NT5DC3: variants seen among roughly 807,000 people sequenced by gnomAD.
The protein encoded by NT5DC3 is 5'-nucleotidase domain containing 3.
In NT5DC3, 42 loss-of-function variants were observed where a neutral mutation model predicts 67.8. The ratio of observed to expected loss-of-function variants is 0.62; its 90% confidence interval spans 0.48 to 0.80. The LOEUF (loss-of-function observed/expected upper bound fraction) is 0.80, where lower values mean the gene tolerates loss of function less well. NT5DC3 is among the 30% of genes least tolerant of loss of function. The pLI, the probability that NT5DC3 is intolerant of heterozygous loss-of-function variation, is 0.00. For synonymous variants in NT5DC3, 237 were observed against 255.6 expected, an observed-to-expected ratio of 0.93 and a Z score of 0.69; for missense variants, 570 against 696.4, an observed-to-expected ratio of 0.82 and a Z score of 2.04.
At chr12:103,750,467 C>CTCTT in the NT5DC3 span, 1 of 1,384,994 alleles carries the variant, frequency 7.2e-7, no homozygotes. Context: ...AAGGCACGTT[C>CTCTT]TCTTGGTCCA....
the NT5DC3 span, among the ~76,000 whole-genome samples, chr12:103,759,608 G>T: frequency 6.6e-6 from 1 of 152,168 alleles, no homozygotes; most frequent in African/African-American, 2.4e-5. Context: ...ATGAATCCCA[G>T]TTCTGCCACT....
At chr12:103,819,717 T>C (rs925524122) in intron 1 of NT5DC3, 12 of 152,358 alleles carry the variant, frequency 7.9e-5, no homozygotes, top group Admixed American at 6.5e-4. Flanking sequence ...GAACAACCTA[T>C]AGGAAAAACT....
intron 4 of NT5DC3, among the ~76,000 whole-genome samples, chr12:103,801,641 A>G (rs1886587951): frequency 6.6e-6 from 1 of 152,026 alleles, no homozygotes; most frequent in Non-Finnish European, 1.5e-5. Context: ...TCAGCCTCCC[A>G]AAGTGCTGGG....
intron 11 of NT5DC3, chr12:103,785,745 G>T: frequency 2.2e-6 from 1 of 447,208 alleles, no homozygotes; most frequent in Non-Finnish European, 4.1e-6. Context: ...CATTAACCAT[G>T]GTCTGTAAAA....
At chr12:103,811,190 T>C (rs938073247) in intron 2 of NT5DC3, among the ~76,000 whole-genome samples, 1 of 143,346 alleles carries the variant, frequency 7.0e-6, no homozygotes, top group Admixed American at 7.6e-5. Flanking sequence ...CCTGGGGGGG[T>C]AGACCATACA....
At chr12:103,767,044 G>GAGTT (rs1885010333), downstream of NT5DC3, 1 of 152,170 alleles carries the variant, frequency 6.6e-6, no homozygotes, top group African/African-American at 2.4e-5. Flanking sequence ...GTTAAACACA[G>GAGTT]AGTTACCATA....
At chr12:103,794,148 CT>C (rs766607290) in intron 6 of NT5DC3, 151 bp from the exon 7 acceptor site, 2 of 488,440 alleles carry the variant, frequency 4.1e-6, no homozygotes, top group Non-Finnish European at 7.1e-6. Context: ...CCATTTTCTT[CT>C]TCTTTTTTTT....
At chr12:103,755,513 G>A in the NT5DC3 span, 2 of 1,609,790 alleles carry the variant, frequency 1.2e-6, no homozygotes, top group East Asian at 4.5e-5. Flanking sequence ...CACAGCTGCT[G>A]AGCAATCCTC....
chr12:103,765,093 A>C, the NT5DC3 span, among the ~76,000 whole-genome samples: 7 of 149,754 alleles, frequency 4.7e-5, 1 homozygote, highest in Admixed American at 1.3e-4. Context: ...TCTCAAAAAA[A>C]AAAAAAAAAA....
At chr12:103,778,945 A>C (rs907732922) in intron 13 of NT5DC3, among the ~76,000 whole-genome samples, 1 of 152,092 alleles carries the variant, frequency 6.6e-6, no homozygotes, top group Admixed American at 6.6e-5. Flanking sequence ...CATCTCCCAA[A>C]CCTAAACACA....
intron 1 of NT5DC3, among the ~76,000 whole-genome samples, chr12:103,818,587 G>A (rs1887361333): frequency 6.6e-6 from 1 of 152,024 alleles, no homozygotes; most frequent in African/African-American, 2.4e-5. Context: ...TGTTGGCCAG[G>A]CTAGTCTCAA....
intron 1 of NT5DC3, among the ~76,000 whole-genome samples, chr12:103,822,798 C>G (rs1057121732): frequency 6.6e-6 from 1 of 152,062 alleles, no homozygotes; most frequent in Admixed American, 6.5e-5. Flanking sequence ...ATATTCATAC[C>G]CTTTGACCCA....
intron 2 of NT5DC3, among the ~76,000 whole-genome samples, chr12:103,811,745 C>A (rs960145116): frequency 6.6e-6 from 1 of 152,102 alleles, no homozygotes; most frequent in Non-Finnish European, 1.5e-5. Context: ...TTAGTTGTAA[C>A]AAATGTACCT....
chr12:103,780,161 T>TG, intron 13 of NT5DC3, 139 bp downstream of exon 13: 1 of 742,212 alleles, frequency 1.3e-6, no homozygotes. Flanking sequence ...TTCTGGATCC[T>TG]GGGGGAGGCA....
chr12:103,749,912 G>A, the NT5DC3 span, among the ~76,000 whole-genome samples: 4 of 144,846 alleles, frequency 2.8e-5, no homozygotes, highest in African/African-American at 1.0e-4. Context: ...AAAAGATGAT[G>A]CAAGATAATG....
At chr12:103,748,958 T>TG in the NT5DC3 span, 19 of 1,611,694 alleles carry the variant, frequency 1.2e-5, no homozygotes, top group South Asian at 1.9e-4. Flanking sequence ...CCTCTGCTCT[T>TG]GCAGTTGTGG....
At chr12:103,766,551 C>T (rs554396516), downstream of NT5DC3, 2 of 555,174 alleles carry the variant, frequency 3.6e-6, no homozygotes, top group Middle Eastern at 4.9e-4. Flanking sequence ...TTTGGCTCTT[C>T]TTCCTTTGTA....
chr12:103,840,876 T>C, intron 1 of NT5DC3, 73 bp downstream of exon 1: 2 of 911,270 alleles, frequency 2.2e-6, no homozygotes, highest in Non-Finnish European at 1.5e-6. Flanking sequence ...GTCCGGGTCC[T>C]AGGGCGCCCG....
intron 2 of NT5DC3, 98 bp downstream of exon 2, chr12:103,814,839 A>T: frequency 1.3e-6 from 1 of 793,822 alleles, no homozygotes; most frequent in Non-Finnish European, 1.9e-6. Flanking sequence ...ACAATTTATT[A>T]AATGACTTCT....
Sources: allele counts gnomAD v4.1 joint callset (sites outside exome capture counted in the v4.1 genomes callset), GRCh38; gene constraint gnomAD v4.1.1; transcripts MANE v1.5; gene names NCBI Gene and HGNC (gene_info 2026-07-23, HGNC 2026-07-21).